PDE10A: variants seen among roughly 807,000 people sequenced by gnomAD.
PDE10A encodes cAMP and cAMP-inhibited cGMP 3',5'-cyclic phosphodiesterase 10A.
PDE10A carries 39 observed loss-of-function variants against 97.7 expected under a neutral mutation model. The observed-to-expected ratio is 0.40, with a 90% CI of 0.31 to 0.52. The LOEUF (loss-of-function observed/expected upper bound fraction) is 0.52, where lower values mean the gene tolerates loss of function less well. PDE10A is among the 20% of genes least tolerant of loss of function. The probability of loss-of-function intolerance (pLI) is 0.56; values close to 1 mark genes in which losing one functional copy is unlikely to be tolerated. For missense variants in PDE10A, 731 were observed against 1,047.8 expected (o/e 0.70, Z 4.17); for synonymous variants, 371 against 376.8 (o/e 0.98, Z 0.18).
intron 1 of PDE10A, among the ~76,000 whole-genome samples, chr6:165,922,233 G>A (rs1352993079): frequency 6.6e-6 from 1 of 152,178 alleles, no homozygotes. Context: ...ATATCATTGA[G>A]TGAGTTTGGT....
At chr6:165,735,317 G>A (rs1241970518) in intron 1 of PDE10A, among the ~76,000 whole-genome samples, 2 of 150,652 alleles carry the variant, frequency 1.3e-5, no homozygotes, top group Non-Finnish European at 3.0e-5. Context: ...TAGATAGGTA[G>A]GTTGGTAGGT....
chr6:165,557,009 T>C (rs1040841446), intron 1 of PDE10A, among the ~76,000 whole-genome samples: 2 of 151,880 alleles, frequency 1.3e-5, no homozygotes, highest in Non-Finnish European at 2.9e-5. Context: ...CGTGGTGGCA[T>C]GCGCCTGTCA....
intron 1 of PDE10A, among the ~76,000 whole-genome samples, chr6:165,689,250 C>T (rs1375513075): frequency 1.3e-5 from 2 of 152,204 alleles, no homozygotes; most frequent in Admixed American, 1.3e-4. Flanking sequence ...GATAAAACGA[C>T]ACTAACTCCC....
At chr6:165,374,338 G>C (rs1784470850) in intron 18 of PDE10A, among the ~76,000 whole-genome samples, 1 of 151,854 alleles carries the variant, frequency 6.6e-6, no homozygotes, top group Admixed American at 6.6e-5. Flanking sequence ...TTGTCCTCCT[G>C]AAACTAAATC....
intron 1 of PDE10A, among the ~76,000 whole-genome samples, chr6:165,782,633 T>G (rs2128461917): frequency 6.6e-6 from 1 of 152,348 alleles, no homozygotes; most frequent in East Asian, 1.9e-4. Context: ...GTTAACACAA[T>G]CTGTCGTATT....
chr6:165,959,887 C>T (rs1462650292), intron 1 of PDE10A, among the ~76,000 whole-genome samples: 1 of 152,172 alleles, frequency 6.6e-6, no homozygotes, highest in Non-Finnish European at 1.5e-5. Context: ...CTCCCCACTT[C>T]CACTGGAACC....
chr6:165,823,301 A>C (rs1339867132), intron 1 of PDE10A, among the ~76,000 whole-genome samples: 11 of 149,608 alleles, frequency 7.4e-5, no homozygotes, highest in African/African-American at 1.2e-4. Flanking sequence ...TTTGTGAAAA[A>C]CTAAGACACA....
At chr6:165,659,888 C>G (rs1419221182) in intron 1 of PDE10A, among the ~76,000 whole-genome samples, 2 of 152,198 alleles carry the variant, frequency 1.3e-5, no homozygotes, top group African/African-American at 4.8e-5. Context: ...CAGCAGGGCC[C>G]TGAACACACG....
At chr6:165,483,669 A>G (rs1779732452) in intron 2 of PDE10A, among the ~76,000 whole-genome samples, 1 of 152,218 alleles carries the variant, frequency 6.6e-6, no homozygotes, top group Non-Finnish European at 1.5e-5. Flanking sequence ...AAAAAGTCAA[A>G]CAATTAAAAG....
chr6:165,897,622 A>C (rs935233942), intron 1 of PDE10A, among the ~76,000 whole-genome samples: 1 of 150,772 alleles, frequency 6.6e-6, no homozygotes, highest in African/African-American at 2.4e-5. Context: ...GAAGGACCAG[A>C]CCCGCCCCCC....
intron 18 of PDE10A, among the ~76,000 whole-genome samples, chr6:165,349,060 A>G (rs888939711): frequency 3.3e-5 from 5 of 152,228 alleles, no homozygotes; most frequent in Non-Finnish European, 1.5e-5. Context: ...TTGATACTGC[A>G]GAGAGTTGGG....
At chr6:165,515,412 A>C (rs1473412186) in intron 2 of PDE10A, among the ~76,000 whole-genome samples, 1 of 151,976 alleles carries the variant, frequency 6.6e-6, no homozygotes, top group Non-Finnish European at 1.5e-5. Context: ...TTACATAAAA[A>C]CATAAAATGT....
intron 3 of PDE10A, among the ~76,000 whole-genome samples, chr6:165,451,728 G>A (rs1791304612): frequency 6.6e-6 from 1 of 152,124 alleles, no homozygotes; most frequent in Non-Finnish European, 1.5e-5. Flanking sequence ...AAATACCACT[G>A]ACCATCCTGA....
At chr6:165,834,715 C>T (rs1780022681) in intron 1 of PDE10A, among the ~76,000 whole-genome samples, 1 of 144,812 alleles carries the variant, frequency 6.9e-6, no homozygotes, top group African/African-American at 2.6e-5. Context: ...GCAGCGACTC[C>T]AGGTGAACAA....
At chr6:165,766,828 G>A (rs1777863099) in intron 1 of PDE10A, among the ~76,000 whole-genome samples, 1 of 152,198 alleles carries the variant, frequency 6.6e-6, no homozygotes, top group Non-Finnish European at 1.5e-5. Flanking sequence ...CATGTACTTA[G>A]AACCATTCCA....
At chr6:165,371,691 A>C (rs1004529858) in intron 18 of PDE10A, among the ~76,000 whole-genome samples, 1 of 152,126 alleles carries the variant, frequency 6.6e-6, no homozygotes, top group Non-Finnish European at 1.5e-5. Flanking sequence ...TATTCCAATC[A>C]ATAGAAAAAG....
At chr6:165,790,098 T>C (rs1413656731) in intron 1 of PDE10A, among the ~76,000 whole-genome samples, 1 of 152,208 alleles carries the variant, frequency 6.6e-6, no homozygotes. Flanking sequence ...TATTACCACA[T>C]TGTTAAAATG....
intron 1 of PDE10A, among the ~76,000 whole-genome samples, chr6:165,607,162 G>A (rs1236905064): frequency 6.6e-6 from 1 of 152,194 alleles, no homozygotes; most frequent in African/African-American, 2.4e-5. Flanking sequence ...ACCTGATGGT[G>A]CTAATGGTGC....
At chr6:165,700,536 C>A (rs775477358) in intron 1 of PDE10A, among the ~76,000 whole-genome samples, 46 of 152,092 alleles carry the variant, frequency 3.0e-4, no homozygotes, top group Non-Finnish European at 5.1e-4. Flanking sequence ...ACAGTAGCAC[C>A]TATGTCGTGC....
Sources: gnomAD v4.1 joint callset for allele counts (sites outside exome capture counted in the v4.1 genomes callset) on GRCh38, gnomAD v4.1.1 for gene constraint, MANE v1.5 for transcripts, NCBI Gene and HGNC (gene_info 2026-07-23, HGNC 2026-07-21) for gene names.